SDK1: variants seen among roughly 807,000 people sequenced by gnomAD.
The protein encoded by SDK1 is sidekick cell adhesion molecule 1.
In SDK1, 157 loss-of-function variants were observed where a neutral mutation model predicts 245.5. That is an observed-to-expected ratio of 0.64 (90% CI 0.56 to 0.73). The LOEUF (loss-of-function observed/expected upper bound fraction) is 0.73. Among genes scored for constraint, SDK1 ranks in the 30% least tolerant of loss-of-function variants. SDK1 has a pLI of 0.00. For synonymous variants in SDK1, 1,647 were observed against 1,278.5 expected (o/e 1.29, Z -6.15); for missense variants, 3,583 against 3,002.3 (o/e 1.19, Z -4.52).
chr7:3,492,406 A>G (rs564660419), intron 1 of SDK1, among the ~76,000 whole-genome samples: 2 of 152,384 alleles, frequency 1.3e-5, no homozygotes, highest in Admixed American at 6.5e-5. Flanking sequence ...AGGCAGGAGA[A>G]TGGCGTGAAC....
At chr7:4,239,834 A>G (rs1044258782) in intron 42 of SDK1, among the ~76,000 whole-genome samples, 1 of 152,206 alleles carries the variant, frequency 6.6e-6, no homozygotes. Flanking sequence ...TTGGAAAGGC[A>G]GATCCCTGAT....
chr7:4,222,487 G>T (rs972904730), intron 40 of SDK1, among the ~76,000 whole-genome samples: 6 of 152,182 alleles, frequency 3.9e-5, no homozygotes, highest in Middle Eastern at 3.4e-3. Context: ...TAGAGAGGGG[G>T]TTTCACCATG....
At chr7:3,487,562 T>C (rs1163330143) in intron 1 of SDK1, among the ~76,000 whole-genome samples, 1 of 151,812 alleles carries the variant, frequency 6.6e-6, no homozygotes, top group Non-Finnish European at 1.5e-5. Flanking sequence ...GGCAACGTGG[T>C]GAAGCCCTGT....
Position 4,149,477 on chromosome 7 carries a change from A to T in SDK1, c.4625+14A>T, listed in dbSNP as rs1262534485. On this transcript the variant is annotated intron_variant, in intron 30 of 44. Coordinates refer to ENST00000404826, the MANE Select transcript of SDK1 (RefSeq NM_152744.4). Reference sequence around the variant, plus strand: ...CGTCGTTGACAGGTACTGAGAGAGCAGGAGCACCTCCCCGGGGAACGGGGC... The same window carrying T: ...CGTCGTTGACAGGTACTGAGAGAGCTGGAGCACCTCCCCGGGGAACGGGGC... The T allele has an allele frequency of 6.9e-7, 1 of 1,445,844 alleles. No individual in the cohort carries two copies. The highest frequency in any genetic ancestry group is 1.5e-5 in the African/African-American group (1 of 68,700). 89.6% of individuals were successfully genotyped at this position (1,445,844 alleles called of 1,614,324 possible). A position where few individuals can be genotyped will look rare whatever the true frequency, so the allele number is the denominator to read the frequency against.
At position 4,137,020 on chromosome 7, in the gene SDK1, C is replaced by T. The variant is rs545156494; in HGVS notation, c.4228+4597C>T. ...AGCAGCTGCAGAGAGATCGGCAGCA[C>T]GTGCCCCAGATGGTCGTGCTTTGGA... On this transcript the variant is annotated intron_variant, in intron 28 of 44. Transcript: ENST00000404826. 1.2e-4 allele frequency among the ~76,000 whole-genome samples: 18 copies of T among 152,354 alleles called. No homozygotes were observed. The South Asian group carries it at 1.9e-3, about 16-fold the overall frequency.
chr7:3,453,155 C>A (rs918899807), intron 1 of SDK1, among the ~76,000 whole-genome samples: 1 of 152,254 alleles, frequency 6.6e-6, no homozygotes, highest in Middle Eastern at 3.4e-3. Flanking sequence ...CCAACTCTTT[C>A]CCTCACCAAC....
At position 4,012,099 on chromosome 7, in the gene SDK1, A is replaced by T. The variant is rs1261300496; in HGVS notation, c.2284A>T (p.Met762Leu). 1 of 1,546,056 alleles carries T rather than the reference A, an allele frequency of 6.5e-7. No homozygotes were observed. Among genetic ancestry groups the T allele is most frequent in the African/African-American group, 1.4e-5 (1 of 71,354 alleles). The change falls in exon 16 of 45, where the codon ATG becomes TTG. Residue 762 changes from methionine to leucine, a missense_variant. By Grantham distance (15) the Met-to-Leu change is conservative. Coordinates refer to ENST00000404826, the MANE Select transcript of SDK1 (RefSeq NM_152744.4). ...CTACCCGTCTTTTATTTATAGGTTGATGCTACCTGAAGAACCACCCAGTGC... is the reference window on the plus strand; with the variant it reads ...CTACCCGTCTTTTATTTATAGGTTGTTGCTACCTGAAGAACCACCCAGTGC... ...GQYSAETSRL[M>L]LPEEPPSAPP...
chr7:3,969,138 C>T (rs145381450), intron 10 of SDK1, 119 bp from the exon 11 acceptor site: 16 of 898,504 alleles, frequency 1.8e-5, no homozygotes, highest in African/African-American at 3.4e-5. Flanking sequence ...CAATTCGAGA[C>T]GAGACTTGGG....
At chr7:3,677,009 A>C (rs916036179) in intron 4 of SDK1, among the ~76,000 whole-genome samples, 1 of 152,132 alleles carries the variant, frequency 6.6e-6, no homozygotes, top group Non-Finnish European at 1.5e-5. Context: ...CCCTGGACAT[A>C]CCAAGGATTC....
chr7:3,817,574 G>A (rs1366031303), intron 4 of SDK1, among the ~76,000 whole-genome samples: 46 of 152,130 alleles, frequency 3.0e-4, no homozygotes, highest in Admixed American at 2.9e-3. Context: ...GGATTCCGAC[G>A]TCAGTATCAC....
At chr7:3,943,020 C>T (rs555414531) in intron 5 of SDK1, among the ~76,000 whole-genome samples, 1 of 152,156 alleles carries the variant, frequency 6.6e-6, no homozygotes, top group South Asian at 2.1e-4. Flanking sequence ...CATGGCCTGT[C>T]CCTGTTCGAG....
Position 4,268,244 on chromosome 7 carries a change from C to A in SDK1, c.*2860C>A. On this transcript the variant is annotated 3_prime_UTR_variant, in exon 45 of 45. Coordinates refer to ENST00000404826, the MANE Select transcript of SDK1 (RefSeq NM_152744.4). ...CTGCAAGGATGTGGTCACGGAGTGG[C>A]CAGGAGGCTCCGTCTGAGCCACAGG... 2.0e-6 allele frequency: 2 copies of A among 998,098 alleles called. No individual in the cohort carries two copies. The highest frequency in any genetic ancestry group is 2.4e-6 in the Non-Finnish European group (2 of 837,642). 61.8% of individuals were successfully genotyped at this position (998,098 alleles called of 1,614,324 possible).
chr7:4,176,075 G>A (rs538802424), intron 34 of SDK1, among the ~76,000 whole-genome samples: 30 of 152,050 alleles, frequency 2.0e-4, no homozygotes, highest in African/African-American at 7.0e-4. Context: ...AGAGAGGAAA[G>A]CCAGATAGAA....
chr7:4,176,403 A>G (rs1258363573), intron 34 of SDK1, among the ~76,000 whole-genome samples: 2 of 152,192 alleles, frequency 1.3e-5, no homozygotes, highest in Non-Finnish European at 2.9e-5. Flanking sequence ...GCCTGGACTC[A>G]AACGATCCTC....
intron 1 of SDK1, among the ~76,000 whole-genome samples, chr7:3,501,981 T>C (rs1425858374): frequency 6.6e-6 from 1 of 152,216 alleles, no homozygotes; most frequent in African/African-American, 2.4e-5. Context: ...TATGTTTGTT[T>C]TAACAGCTGG....
At chr7:3,780,717 C>A (rs577398587) in intron 4 of SDK1, among the ~76,000 whole-genome samples, 1 of 151,358 alleles carries the variant, frequency 6.6e-6, no homozygotes, top group East Asian at 1.9e-4. Flanking sequence ...AGCTAGAAAG[C>A]CCACCCAACC....
At chr7:3,912,276 A>T (rs1167142033) in intron 5 of SDK1, among the ~76,000 whole-genome samples, 1 of 152,194 alleles carries the variant, frequency 6.6e-6, no homozygotes, top group Non-Finnish European at 1.5e-5. Flanking sequence ...TTCTTTATTT[A>T]TTCCAAAATT....
rs756815016 is a variant in SDK1, at chr7:4,049,419, C to G, written c.2674C>G (p.Pro892Ala). The stretch of plus-strand genomic sequence containing the variant: ...CACCACCATTCAGTTCCTGTGGAAC[C>G]CTCCGCCTCAGCAGTTTATCAATGG... ...NSTTIQFLWN[P>A]PPQQFINGIN... Residue 892 changes from proline to alanine, a missense_variant, in exon 18 of 45, where the codon CCT (proline) becomes GCT (alanine). By Grantham distance (27) the Pro-to-Ala change is conservative. Coordinates refer to ENST00000404826, the MANE Select transcript of SDK1 (RefSeq NM_152744.4). The G allele has an allele frequency of 1.4e-5, 22 of 1,614,020 alleles. No individual in the cohort carries two copies. Among genetic ancestry groups the G allele is most frequent in the Middle Eastern group, 1.6e-4 (1 of 6,084 alleles).
chr7:4,103,550 T>C (rs1472342693), intron 22 of SDK1, among the ~76,000 whole-genome samples: 5 of 152,248 alleles, frequency 3.3e-5, no homozygotes, highest in African/African-American at 4.8e-5. Context: ...GGTCGCTAAG[T>C]GTAGTTACAT....
Sources: gnomAD v4.1 joint callset for allele counts (sites outside exome capture counted in the v4.1 genomes callset) on GRCh38, gnomAD v4.1.1 for gene constraint, MANE v1.5 for transcripts, NCBI Gene and HGNC (gene_info 2026-07-23, HGNC 2026-07-21) for gene names.